CDKAL1: variants seen among roughly 807,000 people sequenced by gnomAD.
CDKAL1 encodes the protein CDKAL1 threonylcarbamoyladenosine tRNA methylthiotransferase, also known as threonylcarbamoyladenosine tRNA methylthiotransferase.
Under a neutral mutation model 68.2 loss-of-function variants are expected in CDKAL1, and 32 were observed. The ratio of observed to expected loss-of-function variants is 0.47; its 90% CI spans 0.35 to 0.63. The LOEUF is 0.63. CDKAL1 is among the 30% of genes least tolerant of loss of function. The probability of loss-of-function intolerance (pLI) is 0.00; values close to 1 mark genes in which losing one functional copy is unlikely to be tolerated. For synonymous variants in CDKAL1, 234 were observed against 244.3 expected (o/e 0.96, Z 0.39); for missense variants, 606 against 696.7 (o/e 0.87, Z 1.47).
At chr6:21,003,368 A>ATG (rs1343556833) in intron 11 of CDKAL1, among the ~76,000 whole-genome samples, 3 of 86,400 alleles carry the variant, frequency 3.5e-5, no homozygotes, top group African/African-American at 1.4e-4. Context: ...ATATATATAT[A>ATG]TATACACACA....
intron 13 of CDKAL1, among the ~76,000 whole-genome samples, chr6:21,144,806 C>T (rs929767562): frequency 6.6e-6 from 1 of 151,428 alleles, no homozygotes; most frequent in Non-Finnish European, 1.5e-5. Flanking sequence ...GACCTTGTCT[C>T]CAAAAAGAAA....
chr6:21,199,360 T>C (rs1210430474), intron 14 of CDKAL1, among the ~76,000 whole-genome samples: 1 of 152,152 alleles, frequency 6.6e-6, no homozygotes, highest in Non-Finnish European at 1.5e-5. Flanking sequence ...AGACTGCAGT[T>C]GAGGAAGGGC....
rs1393889430 is a variant in CDKAL1 at position 20,837,223 on chromosome 6, T to TC, written c.639-8849dup. Among the ~76,000 whole-genome samples, 4 of 152,198 alleles carry TC rather than the reference T, an allele frequency of 2.6e-5. No individual in the cohort carries two copies. In the East Asian group the frequency reaches 7.7e-4, roughly 29 times the overall value. On this transcript the variant is annotated intron_variant, in intron 8 of 15. Coordinates refer to ENST00000274695, the MANE Select transcript of CDKAL1 (RefSeq NM_017774.3). ...TTTGACCCAAACAATTTAAGTTTTT[T>TC]CCCACACAGGTTAGAAATTTAAGTT...
At chr6:21,223,115 G>A (rs1038006731) in intron 15 of CDKAL1, among the ~76,000 whole-genome samples, 1 of 152,162 alleles carries the variant, frequency 6.6e-6, no homozygotes, top group African/African-American at 2.4e-5. Flanking sequence ...CATTACCTCT[G>A]TGAGGTGCAG....
At chr6:21,124,975 G>A (rs1252423631) in intron 13 of CDKAL1, among the ~76,000 whole-genome samples, 2 of 151,936 alleles carry the variant, frequency 1.3e-5, no homozygotes, top group African/African-American at 4.8e-5. Context: ...TCCCCAGTAT[G>A]CTACACTCTC....
intron 9 of CDKAL1, among the ~76,000 whole-genome samples, chr6:20,945,863 G>T (rs1764213485): frequency 6.6e-6 from 1 of 151,996 alleles, no homozygotes; most frequent in South Asian, 2.1e-4. Flanking sequence ...GTCAATTATA[G>T]TAATAAATTT....
chr6:20,641,371 C>A (rs749130399), intron 4 of CDKAL1, among the ~76,000 whole-genome samples: 13 of 152,020 alleles, frequency 8.6e-5, no homozygotes, highest in African/African-American at 1.2e-4. Context: ...ATTCATGTGT[C>A]CCTTCTCAGG....
chr6:20,833,901 G>T (rs1190937053), intron 8 of CDKAL1, among the ~76,000 whole-genome samples: 1 of 152,106 alleles, frequency 6.6e-6, no homozygotes, highest in Non-Finnish European at 1.5e-5. Flanking sequence ...GTGGTTCTCG[G>T]CATGGTCCGG....
At chr6:20,763,075 A>G (rs1210978598) in intron 7 of CDKAL1, among the ~76,000 whole-genome samples, 4 of 152,088 alleles carry the variant, frequency 2.6e-5, no homozygotes, top group Admixed American at 6.5e-5. Context: ...TCTATTCTCC[A>G]TCTTGATCTG....
rs534495344 is a variant in CDKAL1 at position 20,942,437 on chromosome 6, G to A, written c.743-12982G>A. Among the ~76,000 whole-genome samples the A allele has an allele frequency of 3.0e-4, 44 of 147,726 alleles. 1 individual carries two copies. The South Asian group carries it at 9.2e-3, about 31-fold the overall frequency. Reference sequence around the variant, plus strand: ...GGTTGGAGGGCAGTGGCGTGATCTCGGCTCACTGCAACCTTCCTCTCCTGG... The same window carrying A: ...GGTTGGAGGGCAGTGGCGTGATCTCAGCTCACTGCAACCTTCCTCTCCTGG... On this transcript the variant is annotated intron_variant, in intron 9 of 15. Transcript: ENST00000274695.
intron 11 of CDKAL1, among the ~76,000 whole-genome samples, chr6:21,000,597 T>A (rs546720281): frequency 6.6e-6 from 1 of 152,192 alleles, no homozygotes; most frequent in African/African-American, 2.4e-5. Context: ...TTAATTTGTG[T>A]AAGATTGCCA....
At chr6:20,944,806 A>G (rs1164181953) in intron 9 of CDKAL1, among the ~76,000 whole-genome samples, 1 of 152,222 alleles carries the variant, frequency 6.6e-6, no homozygotes, top group Non-Finnish European at 1.5e-5. Flanking sequence ...ATGTTATTAT[A>G]ATGGTATTAA....
chr6:21,156,172 G>T (rs1776628988), intron 13 of CDKAL1, among the ~76,000 whole-genome samples: 1 of 152,052 alleles, frequency 6.6e-6, no homozygotes, highest in African/African-American at 2.4e-5. Context: ...TGTAATCCTA[G>T]CACTTTGGGA....
At chr6:21,108,344 G>T in intron 12 of CDKAL1, 57 bp from the exon 13 acceptor site, 1 of 1,157,360 alleles carries the variant, frequency 8.6e-7, no homozygotes, top group Non-Finnish European at 1.3e-6. Flanking sequence ...TTTTTTATCT[G>T]CTGTCAACTC....
At chr6:20,753,325 G>GGCACCCTTT in intron 6 of CDKAL1, among the ~76,000 whole-genome samples, 1 of 124,978 alleles carries the variant, frequency 8.0e-6, no homozygotes, top group Admixed American at 8.8e-5. Context: ...TTATGGATTA[G>GGCACCCTTT]TAATATGATC....
chr6:21,040,918 T>A (rs1769887527), intron 11 of CDKAL1, among the ~76,000 whole-genome samples: 1 of 152,140 alleles, frequency 6.6e-6, no homozygotes, highest in Non-Finnish European at 1.5e-5. Context: ...CTGATAAGAC[T>A]GCAGTTGCCC....
rs547452005 is a variant in CDKAL1 at position 21,075,109 on chromosome 6, A to G, written c.1236+9881A>G. The stretch of plus-strand genomic sequence containing the variant: ...AAGTAGATGCTAACCCATTATTAGA[A>G]GAAGAGTACAATACAATACCAGTTG... On this transcript the variant is annotated intron_variant, in intron 12 of 15. Transcript: ENST00000274695. 2.3e-3 allele frequency among the ~76,000 whole-genome samples: 337 copies of G among 144,696 alleles called. 8 individuals are homozygous for G. Among genetic ancestry groups the G allele is most frequent in the Admixed American group, 0.02 (288 of 14,402 alleles). The allele number at this position is 144,696 out of a possible 152,430, so 94.9% of individuals were successfully genotyped here.
intron 9 of CDKAL1, among the ~76,000 whole-genome samples, chr6:20,903,222 A>G (rs966445208): frequency 6.6e-6 from 1 of 152,086 alleles, no homozygotes; most frequent in African/African-American, 2.4e-5. Context: ...CACACGAACA[A>G]CTTTAATGGT....
chr6:20,666,385 G>C (rs1769545388), intron 5 of CDKAL1, among the ~76,000 whole-genome samples: 1 of 151,874 alleles, frequency 6.6e-6, no homozygotes. Context: ...TGTGGAAGTT[G>C]TTTTTTGATA....
Sources: allele counts gnomAD v4.1 joint callset (sites outside exome capture counted in the v4.1 genomes callset), GRCh38; gene constraint gnomAD v4.1.1; transcripts MANE v1.5; gene names NCBI Gene and HGNC (gene_info 2026-07-23, HGNC 2026-07-21).